Variants in KITLG observed in about 807,000 individuals in gnomAD.
The protein encoded by KITLG is KIT ligand, also known as c-Kit ligand.
In KITLG, 13 loss-of-function variants were observed where a neutral mutation model predicts 34.1. The ratio of observed to expected loss-of-function variants is 0.38; its 90% CI spans 0.25 to 0.61. KITLG has a LOEUF of 0.61. Among genes scored for constraint, KITLG ranks in the 20% least tolerant of loss-of-function variants. The probability of loss-of-function intolerance (pLI) is 0.60; values close to 1 mark genes in which losing one functional copy is unlikely to be tolerated. For synonymous variants in KITLG, 110 were observed against 104.0 expected, an observed-to-expected ratio of 1.06 and a Z score of -0.35; for missense variants, 292 against 318.9, an observed-to-expected ratio of 0.92 and a Z score of 0.64.
chr12:88,525,419 T>A (rs1418350850), intron 3 of KITLG, among the ~76,000 whole-genome samples: 1 of 152,202 alleles, frequency 6.6e-6, no homozygotes, highest in Non-Finnish European at 1.5e-5. Flanking sequence ...TGTTTATTCA[T>A]AACTATTTTT....
intron 8 of KITLG, among the ~76,000 whole-genome samples, chr12:88,505,537 C>G (rs1869025862): frequency 6.6e-6 from 1 of 151,990 alleles, no homozygotes; most frequent in Admixed American, 6.6e-5. Context: ...TGAGAGAAGG[C>G]AACACACCAA....
chr12:88,509,779 C>T (rs541224224), intron 6 of KITLG, among the ~76,000 whole-genome samples: 1 of 152,166 alleles, frequency 6.6e-6, no homozygotes, highest in African/African-American at 2.4e-5. Context: ...ATACTACTGT[C>T]CCTCTTGCAG....
intron 2 of KITLG, among the ~76,000 whole-genome samples, chr12:88,538,223 CA>C (rs1870398251): frequency 1.3e-5 from 2 of 151,764 alleles, no homozygotes; most frequent in Admixed American, 1.3e-4. Context: ...TTAGGGAGAC[CA>C]GTTAAGAGAT....
chr12:88,510,120 A>G (rs1592839641), intron 6 of KITLG, among the ~76,000 whole-genome samples: 1 of 152,202 alleles, frequency 6.6e-6, no homozygotes, highest in South Asian at 2.1e-4. Context: ...GACTTGTTTC[A>G]TTTGACTAAT....
chr12:88,567,097 C>G (rs1022759151), intron 1 of KITLG, among the ~76,000 whole-genome samples: 1 of 152,150 alleles, frequency 6.6e-6, no homozygotes. Context: ...GTCAGTGTTT[C>G]TACTACATTC....
At position 88,545,620 on chromosome 12, in the gene KITLG, C is replaced by A. The variant is rs1015915844; in HGVS notation, c.129+132G>T. The A allele has an allele frequency of 1.6e-5, 10 of 618,218 alleles. No individual in the cohort carries two copies. The African/African-American group carries it at 1.7e-4, about 10-fold the overall frequency. 38.3% of individuals were successfully genotyped at this position (618,218 alleles called of 1,614,324 possible). A position where few individuals can be genotyped will look rare whatever the true frequency, so the allele number is the denominator to read the frequency against. On this transcript the variant is annotated intron_variant, in intron 2 of 9. Transcript: ENST00000644744. The stretch of plus-strand genomic sequence containing the variant: ...CTTTCTATAAACCCTTTATTGTAAC[C>A]CAGTGATTACTTTCCCCACTTTAGG...
At chr12:88,520,938 C>T (rs912789171) in intron 3 of KITLG, among the ~76,000 whole-genome samples, 3 of 152,114 alleles carry the variant, frequency 2.0e-5, no homozygotes, top group Non-Finnish European at 4.4e-5. Context: ...TAGAGTTAAA[C>T]CATGGAAATT....
At chr12:88,533,502 C>A (rs971615961) in intron 2 of KITLG, among the ~76,000 whole-genome samples, 5 of 152,174 alleles carry the variant, frequency 3.3e-5, no homozygotes, top group Non-Finnish European at 1.5e-5. Context: ...CCTTCCTACA[C>A]ACTGTACCAA....
At chr12:88,504,878 C>T (rs150511143) in intron 9 of KITLG, among the ~76,000 whole-genome samples, 229 of 150,116 alleles carry the variant, frequency 1.5e-3, no homozygotes, top group Non-Finnish European at 2.8e-3. Context: ...GGACAGAAAA[C>T]CAAACACTGC....
intron 1 of KITLG, among the ~76,000 whole-genome samples, chr12:88,551,294 T>G (rs1395736111): frequency 6.6e-6 from 1 of 152,166 alleles, no homozygotes; most frequent in Non-Finnish European, 1.5e-5. Context: ...TAATGACACC[T>G]CCTTCATCAG....
chr12:88,564,191 G>T (rs1213732903), intron 1 of KITLG: 1 of 152,136 alleles, frequency 6.6e-6, no homozygotes, highest in Non-Finnish European at 1.5e-5. Flanking sequence ...AACAAAAGAA[G>T]AATATAGGAA....
chr12:88,547,629 C>A (rs976639229), intron 1 of KITLG, among the ~76,000 whole-genome samples: 9 of 152,132 alleles, frequency 5.9e-5, no homozygotes, highest in African/African-American at 9.7e-5. Context: ...TAAGACGTAA[C>A]CTCCCTGGAA....
chr12:88,529,076 C>T (rs1385444268), intron 3 of KITLG, among the ~76,000 whole-genome samples: 1 of 152,166 alleles, frequency 6.6e-6, no homozygotes, highest in African/African-American at 2.4e-5. Flanking sequence ...GATCATTACA[C>T]ACTGTATGGT....
At chr12:88,576,671 T>G (rs1282168497) in intron 1 of KITLG, among the ~76,000 whole-genome samples, 2 of 152,206 alleles carry the variant, frequency 1.3e-5, no homozygotes, top group African/African-American at 4.8e-5. Context: ...AATTAGAATC[T>G]AAGTCTTCAG....
At position 88,516,468 on chromosome 12, in the gene KITLG, C is replaced by A; in HGVS notation, c.386G>T (p.Ser129Ile). The A allele has an allele frequency of 6.2e-7, 1 of 1,602,312 alleles. No individual in the cohort carries two copies. The highest frequency in any genetic ancestry group is 8.5e-7 in the Non-Finnish European group (1 of 1,175,052). The change falls in exon 5 of 10, where the codon AGC becomes ATC. Residue 129 changes from serine (S) to isoleucine (I), a missense_variant. Ser to Ile is a moderately radical substitution (Grantham distance 142). Transcript: ENST00000644744. ...AGGAGTAAAGAGCCTGGGTTCTGGG[C>A]TCTTGAATGATTTTTTTAGATCCTA... is the stretch of plus-strand genomic sequence containing the variant. Reference protein sequence around the residue: ...SSKDLKKSFKSPEPRLFTPEE... With the variant: ...SSKDLKKSFKIPEPRLFTPEE...
chr12:88,515,573 C>T lies in KITLG; in HGVS notation c.565G>A (p.Ala189Thr). The T allele has an allele frequency of 6.2e-7, 1 of 1,611,060 alleles. No homozygotes were observed. The highest frequency in any genetic ancestry group is 8.5e-7 in the Non-Finnish European group (1 of 1,177,730). ...VTKPFMLPPVAASSLRNDSSS... is the reference protein window; with the variant it reads ...VTKPFMLPPVTASSLRNDSSS... ...CTGTCATTCCTAAGGGAGCTGGCTG[C>T]AACAGGGGGTAACATAAATGGTTTT... Residue 189 changes from alanine to threonine, a missense_variant, in exon 6 of 10, where the codon GCA (alanine) becomes ACA (threonine). Physicochemically the swap from Ala to Thr is moderately conservative, Grantham distance 58. Transcript: ENST00000644744.
chr12:88,540,609 G>T (rs893717400), intron 2 of KITLG, among the ~76,000 whole-genome samples: 2 of 151,888 alleles, frequency 1.3e-5, no homozygotes, highest in Non-Finnish European at 1.5e-5. Context: ...AGACCAGCCT[G>T]GGCAACATAA....
At chr12:88,575,774 C>T (rs560058475) in intron 1 of KITLG, among the ~76,000 whole-genome samples, 1 of 152,226 alleles carries the variant, frequency 6.6e-6, no homozygotes, top group East Asian at 1.9e-4. Flanking sequence ...GATAAAAGAT[C>T]ACTCTTCAGA....
chr12:88,529,009 T>C (rs1869980438), intron 3 of KITLG, among the ~76,000 whole-genome samples: 1 of 152,178 alleles, frequency 6.6e-6, no homozygotes, highest in Non-Finnish European at 1.5e-5. Flanking sequence ...ATTGGAATGT[T>C]CCTAACACAA....
Sources: allele counts gnomAD v4.1 joint callset (sites outside exome capture counted in the v4.1 genomes callset), GRCh38; gene constraint gnomAD v4.1.1; transcripts MANE v1.5; gene names NCBI Gene and HGNC (gene_info 2026-07-23, HGNC 2026-07-21).